The following AKAP5 variants were observed in gnomAD, a reference collection of about 807,000 sequenced individuals.
The protein encoded by AKAP5 is A-kinase anchoring protein 5.
A neutral mutation model predicts 13.8 loss-of-function variants in AKAP5; 5 were observed. The ratio of observed to expected loss-of-function variants is 0.36; its 90% confidence interval spans 0.19 to 0.76. The LOEUF is 0.76. Among genes scored for constraint, AKAP5 ranks in the 30% least tolerant of loss-of-function variants. The pLI is 0.51. For synonymous variants in AKAP5, 148 were observed against 167.2 expected (o/e 0.89, Z 0.89); for missense variants, 406 against 484.4 (o/e 0.84, Z 1.52).
At position 64,468,621 on chromosome 14, in the gene AKAP5, G is replaced by C. The variant is rs555999227; in HGVS notation, c.227G>C (p.Arg76Pro). The C allele has an allele frequency of 2.5e-6, 4 of 1,613,824 alleles. No individual in the cohort carries two copies. Among genetic ancestry groups the C allele is most frequent in the South Asian group, 2.2e-5 (2 of 91,068 alleles). The change falls in exon 2 of 2, where the codon CGG (arginine) becomes CCG (proline). Residue 76 changes from arginine to proline, a missense_variant. Coordinates refer to ENST00000394718, the MANE Select transcript of AKAP5 (RefSeq NM_004857.3). ...AGASDQPEPT[R>P]GAWASLKRLV... Reference sequence around the variant, plus strand: ...GCTTCTGATCAGCCAGAGCCCACACGGGGGGCCTGGGCCTCACTCAAACGT... The same window carrying C: ...GCTTCTGATCAGCCAGAGCCCACACCGGGGGCCTGGGCCTCACTCAAACGT...
In AKAP5 at chr14:64,470,868, A is replaced by T. The variant is rs948543481; in HGVS notation, c.*1190A>T. ...GATAATATAGGATTCATCTTGCAGAATTACTTCTTTAAGAGCCATATTCAT... is the reference window on the plus strand; with the variant it reads ...GATAATATAGGATTCATCTTGCAGATTTACTTCTTTAAGAGCCATATTCAT... On this transcript the variant is annotated 3_prime_UTR_variant, in exon 2 of 2. Coordinates refer to ENST00000394718, the MANE Select transcript of AKAP5 (RefSeq NM_004857.3). 7 of 167,016 alleles carry T rather than the reference A, an allele frequency of 4.2e-5. No individual in the cohort carries two copies. The highest frequency in any genetic ancestry group is 1.7e-4 in the African/African-American group (7 of 41,462). The allele number at this position is 167,016 out of a possible 1,614,324, so 10.3% of individuals were successfully genotyped here.
In AKAP5 at chr14:64,469,620, A is replaced by G; in HGVS notation, c.1226A>G (p.Glu409Gly). The part of the protein sequence containing the change: ...LVKNAIQLSI[E>G]QLVNEMASDD... The stretch of plus-strand genomic sequence containing the variant: ...AAGAATGCTATTCAGTTGTCAATAG[A>G]ACAGCTGGTTAATGAAATGGCCTCT... Residue 409 changes from glutamate to glycine, a missense_variant, in exon 2 of 2, where the codon GAA becomes GGA. Coordinates refer to ENST00000394718, the MANE Select transcript of AKAP5 (RefSeq NM_004857.3). 1 of 1,609,054 alleles carries G rather than the reference A, an allele frequency of 6.2e-7. No individual in the cohort carries two copies. The highest frequency in any genetic ancestry group is 8.5e-7 in the Non-Finnish European group (1 of 1,178,636).
Position 64,469,797 on chromosome 14 carries a change from A to G in AKAP5, c.*119A>G. 1.3e-6 allele frequency: 1 copy of G among 749,540 alleles called. No homozygotes were observed. Among genetic ancestry groups the G allele is most frequent in the Non-Finnish European group, 2.1e-6 (1 of 473,464 alleles). 46.4% of individuals were successfully genotyped at this position (749,540 alleles called of 1,614,324 possible). On this transcript the variant is annotated 3_prime_UTR_variant, in exon 2 of 2. Coordinates refer to ENST00000394718, the MANE Select transcript of AKAP5 (RefSeq NM_004857.3). The stretch of plus-strand genomic sequence containing the variant: ...TTATCATCTCTAGAACTTAAAAGGT[A>G]CAATTCCAGCGCAGAAGTGCTAAAG...
At position 64,468,630 on chromosome 14, in the gene AKAP5, G is replaced by GGGCCTC; in HGVS notation, c.237_242dup (p.Ala80_Ser81dup). 6.2e-7 allele frequency: 1 copy of GGGCCTC among 1,613,922 alleles called. No homozygotes were observed. Among genetic ancestry groups the GGGCCTC allele is most frequent in the Non-Finnish European group, 8.5e-7 (1 of 1,180,026 alleles). On this transcript the variant is annotated inframe_insertion, in exon 2 of 2. Transcript: ENST00000394718. ...CAGCCAGAGCCCACACGGGGGGCCT[G>GGGCCTC]GGCCTCACTCAAACGTCTTGTAACA... is the stretch of plus-strand genomic sequence containing the variant.
In AKAP5 at chr14:64,470,308, G is replaced by GGCC. The variant is rs1449664191; in HGVS notation, c.*631_*633dup. ...CTTAAGTCTCTTATAAGCGCTATTTGGCCAGGGGCAGTGGCTCACGCCTAT... is the reference window on the plus strand; with the variant it reads ...CTTAAGTCTCTTATAAGCGCTATTTGGCCGCCAGGGGCAGTGGCTCACGCCTAT... On this transcript the variant is annotated 3_prime_UTR_variant, in exon 2 of 2. Coordinates refer to ENST00000394718, the MANE Select transcript of AKAP5 (RefSeq NM_004857.3). 6.0e-6 allele frequency: 1 copy of GGCC among 166,982 alleles called. No individual in the cohort carries two copies. The highest frequency in any genetic ancestry group is 1.5e-5 in the Non-Finnish European group (1 of 68,146). The allele number at this position is 166,982 out of a possible 1,614,324, so 10.3% of individuals were successfully genotyped here.
rs2078664915 is a variant in AKAP5, at chr14:64,471,081, C to T, written c.*1403C>T. The T allele has an allele frequency of 6.0e-6, 1 of 166,532 alleles. No homozygotes were observed. Among genetic ancestry groups the T allele is most frequent in the Non-Finnish European group, 1.5e-5 (1 of 68,066 alleles). The allele number at this position is 166,532 out of a possible 1,614,324, so 10.3% of individuals were successfully genotyped here. A position where few individuals can be genotyped will look rare whatever the true frequency, so the allele number is the denominator to read the frequency against. On this transcript the variant is annotated 3_prime_UTR_variant, in exon 2 of 2. Transcript: ENST00000394718. The stretch of plus-strand genomic sequence containing the variant: ...TTTAAATGTCAGTATTCCTTCATGT[C>T]TGTGTGTTGAGACCAGTAAAAAGCA...
chr14:64,466,444 A>G (rs1354456025), intron 1 of AKAP5, among the ~76,000 whole-genome samples: 3 of 152,178 alleles, frequency 2.0e-5, no homozygotes, highest in Non-Finnish European at 2.9e-5. Context: ...CAATATTTCT[A>G]TTATGTGGTA....
In AKAP5 at chr14:64,469,357, G is replaced by A. The variant is rs1039071132; in HGVS notation, c.963G>A (p.Gly321=). 1 of 1,613,916 alleles carries A rather than the reference G, an allele frequency of 6.2e-7. No individual in the cohort carries two copies. The highest frequency in any genetic ancestry group is 8.5e-7 in the Non-Finnish European group (1 of 1,179,978). The stretch of plus-strand genomic sequence containing the variant: ...AAGAATCAGATTTTAAAGAAAATGG[G>A]ATCACTGAAGAGAAATCCAAATCAG... ...LSQESDFKEN[G]ITEEKSKSEE... The change falls in exon 2 of 2, where the codon GGG becomes GGA. Residue 321 remains glycine (G), a synonymous_variant. Coordinates refer to ENST00000394718, the MANE Select transcript of AKAP5 (RefSeq NM_004857.3).
Position 64,468,817 on chromosome 14 carries a change from T to C in AKAP5, c.423T>C (p.His141=), listed in dbSNP as rs1566587105. 2.5e-6 allele frequency: 4 copies of C among 1,614,174 alleles called. No individual in the cohort carries two copies. The highest frequency in any genetic ancestry group is 3.4e-6 in the Non-Finnish European group (4 of 1,180,038). The change falls in exon 2 of 2, where the codon CAT becomes CAC. Residue 141 remains histidine (H), a synonymous_variant. Coordinates refer to ENST00000394718, the MANE Select transcript of AKAP5 (RefSeq NM_004857.3). ...CAAGAGGGCCAAAAAGGAGTAATCA[T>C]TCCAAAATTATAGAAGACTCAGACT... ...KFPRGPKRSN[H]SKIIEDSDCS... is the part of the protein sequence containing the mutation.
Position 64,470,712 on chromosome 14 carries a change from A to T in AKAP5, c.*1034A>T, listed in dbSNP as rs916742518. The T allele has an allele frequency of 6.0e-6, 1 of 166,976 alleles. No homozygotes were observed. The highest frequency in any genetic ancestry group is 2.4e-5 in the African/African-American group (1 of 41,446). The allele number at this position is 166,976 out of a possible 1,614,324, so 10.3% of individuals were successfully genotyped here. A position where few individuals can be genotyped will look rare whatever the true frequency, so the allele number is the denominator to read the frequency against. Reference sequence around the variant, plus strand: ...TTCCCCCGCTTTTCTTTCTGCCTCAACAGATCTGTATATATCCATTTCTGC... The same window carrying T: ...TTCCCCCGCTTTTCTTTCTGCCTCATCAGATCTGTATATATCCATTTCTGC... On this transcript the variant is annotated 3_prime_UTR_variant, in exon 2 of 2. Transcript: ENST00000394718.
intron 1 of AKAP5, among the ~76,000 whole-genome samples, chr14:64,465,964 C>G (rs905949240): frequency 6.6e-6 from 1 of 152,174 alleles, no homozygotes. Context: ...GTTCCACGCC[C>G]CCGGCATTTT....
At position 64,469,974 on chromosome 14, in the gene AKAP5, A is replaced by G; in HGVS notation, c.*296A>G. On this transcript the variant is annotated 3_prime_UTR_variant, in exon 2 of 2. Transcript: ENST00000394718. Reference sequence around the variant, plus strand: ...GGAGTGCTTTGGGGGAGGAAGGTGTATTTATTGAGCACTTATGGTATGCCA... The same window carrying G: ...GGAGTGCTTTGGGGGAGGAAGGTGTGTTTATTGAGCACTTATGGTATGCCA... 1 of 259,110 alleles carries G rather than the reference A, an allele frequency of 3.9e-6. No homozygotes were observed. The highest frequency in any genetic ancestry group is 7.8e-6 in the Non-Finnish European group (1 of 128,970). The allele number at this position is 259,110 out of a possible 1,614,324, so 16.1% of individuals were successfully genotyped here.
At chr14:64,467,162 C>T (rs1257358416) in intron 1 of AKAP5, 10 of 152,110 alleles carry the variant, frequency 6.6e-5, no homozygotes, top group Non-Finnish European at 1.3e-4. Flanking sequence ...CATTTTCTGA[C>T]GAAACTCTTA....
chr14:64,468,791 C>T lies in AKAP5; in HGVS notation c.397C>T (p.Pro133Ser), dbSNP rs2078637716. Reference protein sequence around the residue: ...SRLKIPCIKFPRGPKRSNHSK... With the variant: ...SRLKIPCIKFSRGPKRSNHSK... ...ACTTAAGATTCCCTGCATAAAATTCCCAAGAGGGCCAAAAAGGAGTAATCA... is the reference window on the plus strand; with the variant it reads ...ACTTAAGATTCCCTGCATAAAATTCTCAAGAGGGCCAAAAAGGAGTAATCA... Residue 133 changes from proline (P) to serine (S), a missense_variant, in exon 2 of 2, where the codon CCA (proline) becomes TCA (serine). Physicochemically the swap from Pro to Ser is moderately conservative, Grantham distance 74. Transcript: ENST00000394718. 6.2e-7 allele frequency: 1 copy of T among 1,613,934 alleles called. No individual in the cohort carries two copies. The highest frequency in any genetic ancestry group is 1.3e-5 in the African/African-American group (1 of 74,892).
Position 64,472,138 on chromosome 14 carries a change from C to T in AKAP5, c.*2460C>T, listed in dbSNP as rs762683750. On this transcript the variant is annotated 3_prime_UTR_variant, in exon 2 of 2. Transcript: ENST00000394718. ...TTTTAAACATTAAAAACAAAAAAGACGAGTCATCTTCTCTGAAAACACTCT... is the reference window on the plus strand; with the variant it reads ...TTTTAAACATTAAAAACAAAAAAGATGAGTCATCTTCTCTGAAAACACTCT... The T allele has an allele frequency of 8.4e-5, 14 of 167,098 alleles. No individual in the cohort carries two copies. The East Asian group carries it at 1.7e-3, about 21-fold the overall frequency. The allele number at this position is 167,098 out of a possible 1,614,324, so 10.4% of individuals were successfully genotyped here.
At position 64,469,067 on chromosome 14, in the gene AKAP5, A is replaced by G; in HGVS notation, c.673A>G (p.Thr225Ala). 6.2e-7 allele frequency: 1 copy of G among 1,614,128 alleles called. No individual in the cohort carries two copies. Among genetic ancestry groups the G allele is most frequent in the South Asian group, 1.1e-5 (1 of 91,060 alleles). The change falls in exon 2 of 2, where the codon ACG becomes GCG. Residue 225 changes from threonine to alanine, a missense_variant. Transcript: ENST00000394718. ...AGATAATGGGCATTCTGCTATTCAA[A>G]CGGGAACTCTAATCCTTGAAGAAAT... is the stretch of plus-strand genomic sequence containing the variant. ...GLDNGHSAIQ[T>A]GTLILEEIET...
At position 64,470,865 on chromosome 14, in the gene AKAP5, A is replaced by G. The variant is rs1293370398; in HGVS notation, c.*1187A>G. 2 of 167,034 alleles carry G rather than the reference A, an allele frequency of 1.2e-5. No individual in the cohort carries two copies. The highest frequency in any genetic ancestry group is 2.9e-5 in the Non-Finnish European group (2 of 68,122). The allele number at this position is 167,034 out of a possible 1,614,324, so 10.3% of individuals were successfully genotyped here. On this transcript the variant is annotated 3_prime_UTR_variant, in exon 2 of 2. Transcript: ENST00000394718. ...ACAGATAATATAGGATTCATCTTGC[A>G]GAATTACTTCTTTAAGAGCCATATT...
Position 64,468,934 on chromosome 14 carries a change from G to A in AKAP5, c.540G>A (p.Gln180=). 1 of 1,614,126 alleles carries A rather than the reference G, an allele frequency of 6.2e-7. No individual in the cohort carries two copies. Among genetic ancestry groups the A allele is most frequent in the Non-Finnish European group, 8.5e-7 (1 of 1,180,020 alleles). Residue 180 remains glutamine (Q), a synonymous_variant, in exon 2 of 2, where the codon CAG becomes CAA. Transcript: ENST00000394718. ...NDQATKAKST[Q]DLSEGISRKD... ...AGGCAACAAAGGCTAAGTCAACCCA[G>A]GATCTAAGTGAAGGCATCTCACGGA...
At position 64,469,529 on chromosome 14, in the gene AKAP5, G is replaced by C. The variant is rs148652014; in HGVS notation, c.1135G>C (p.Gly379Arg). The C allele has an allele frequency of 7.6e-5, 123 of 1,613,718 alleles. No individual in the cohort carries two copies. Among genetic ancestry groups the C allele is most frequent in the Non-Finnish European group, 9.9e-5 (117 of 1,179,972 alleles). Residue 379 changes from glycine to arginine, a missense_variant, in exon 2 of 2, where the codon GGT becomes CGT. Gly to Arg is a moderately radical substitution (Grantham distance 125). Transcript: ENST00000394718. ...AGTAGGGGTTTTTGCTAATGATAAT[G>C]GTTTTGAGGATAGAACTTCAGAACA... The part of the protein sequence containing the change: ...EQVGVFANDN[G>R]FEDRTSEQYE...
Sources: gnomAD v4.1 joint callset for allele counts (sites outside exome capture counted in the v4.1 genomes callset) on GRCh38, gnomAD v4.1.1 for gene constraint, MANE v1.5 for transcripts, NCBI Gene and HGNC (gene_info 2026-07-23, HGNC 2026-07-21) for gene names.